SDK2: variants seen among roughly 807,000 people sequenced by gnomAD.
The protein encoded by SDK2 is sidekick cell adhesion molecule 2.
In SDK2, 105 loss-of-function variants were observed where a neutral mutation model predicts 253.9. The observed-to-expected ratio is 0.41, with a 90% CI of 0.35 to 0.49. The LOEUF is 0.49. Among genes scored for constraint, SDK2 ranks in the 20% least tolerant of loss-of-function variants. The pLI is 0.06. For missense variants in SDK2, 2,608 were observed against 3,003.0 expected, an observed-to-expected ratio of 0.87 and a Z score of 3.07; for synonymous variants, 1,249 against 1,234.9, an observed-to-expected ratio of 1.01 and a Z score of -0.24.
At position 73,515,876 on chromosome 17, in the gene SDK2, G is replaced by T. The variant is rs1009596580; in HGVS notation, c.65-8279C>A. Among the ~76,000 whole-genome samples, 3 of 152,208 alleles carry T rather than the reference G, an allele frequency of 2.0e-5. No individual in the cohort carries two copies. In the East Asian group the frequency reaches 5.8e-4, roughly 29 times the overall value. On this transcript the variant is annotated intron_variant, in intron 1 of 44. Coordinates refer to ENST00000392650, the MANE Select transcript of SDK2 (RefSeq NM_001144952.2). ...ATCAGTGAAACAGATGGAAACTCCTGCCCCAGAGCCTGCAGGAGGATCAAA... is the reference window on the plus strand; with the variant it reads ...ATCAGTGAAACAGATGGAAACTCCTTCCCCAGAGCCTGCAGGAGGATCAAA...
At chr17:73,623,790 T>G (rs2046165146) in intron 1 of SDK2, among the ~76,000 whole-genome samples, 1 of 152,204 alleles carries the variant, frequency 6.6e-6, no homozygotes, top group South Asian at 2.1e-4. Flanking sequence ...GTTTCCCGGA[T>G]GTGAAACAGA....
At chr17:73,405,467 CATAT>C (rs1166184210) in intron 18 of SDK2, among the ~76,000 whole-genome samples, 19 of 6,034 alleles carry the variant, frequency 3.1e-3, no homozygotes, top group African/African-American at 0.014. Context: ...AACAAAAAAC[CATAT>C]ATATATATAT....
intron 44 of SDK2, among the ~76,000 whole-genome samples, chr17:73,344,385 G>A (rs751583812): frequency 4.6e-5 from 7 of 152,182 alleles, no homozygotes; most frequent in Admixed American, 1.3e-4. Context: ...GGCAGTGAAG[G>A]CCTCTTTCCT....
rs2045362183 is a variant in SDK2 at position 73,570,024 on chromosome 17, G to A, written c.65-62427C>T. On this transcript the variant is annotated intron_variant, in intron 1 of 44. Coordinates refer to ENST00000392650, the MANE Select transcript of SDK2 (RefSeq NM_001144952.2). This position sits in a 1 kb window ranked among gnomAD's most constrained non-coding sequence, Gnocchi z 4.2. ...TACTCTGGGTGAAGGATGAGGAGCA[G>A]GACCTCAGCGCTCTAACTCTTTCAG... Among the ~76,000 whole-genome samples the A allele has an allele frequency of 6.6e-6, 1 of 152,142 alleles. No homozygotes were observed. The highest frequency in any genetic ancestry group is 1.5e-5 in the Non-Finnish European group (1 of 68,018).
chr17:73,483,615 G>GTA (rs1322116082), intron 2 of SDK2, among the ~76,000 whole-genome samples: 3 of 123,480 alleles, frequency 2.4e-5, no homozygotes, highest in Non-Finnish European at 4.9e-5. Flanking sequence ...GTATATATAT[G>GTA]TATATATATG....
Position 73,415,844 on chromosome 17 carries a change from T to C in SDK2, c.2335A>G (p.Ser779Gly), listed in dbSNP as rs1217060915. ...AGCGTCCACTCGGTGACTTTACTGC[T>C]GTAGACCCCCAGCCCAGCGCTGTTG... Reference protein sequence around the residue: ...AYNSAGLGVYSSKVTEWTLQG... With the variant: ...AYNSAGLGVYGSKVTEWTLQG... Residue 779 changes from serine to glycine, a missense_variant, in exon 17 of 45, where the codon AGC (serine) becomes GGC (glycine). This residue lies in a region of SDK2 where 1,505 missense variants were observed against 1,859.1 expected (regional missense o/e 0.81). Coordinates refer to ENST00000392650, the MANE Select transcript of SDK2 (RefSeq NM_001144952.2). 3.9e-6 allele frequency: 6 copies of C among 1,557,918 alleles called. No individual in the cohort carries two copies. Among genetic ancestry groups the C allele is most frequent in the South Asian group, 3.6e-5 (3 of 84,386 alleles).
intron 2 of SDK2, among the ~76,000 whole-genome samples, chr17:73,503,118 A>G (rs1444496848): frequency 6.6e-6 from 1 of 152,212 alleles, no homozygotes; most frequent in Non-Finnish European, 1.5e-5. Flanking sequence ...GTAGGAAAGA[A>G]ACAATAAGGA....
At chr17:73,396,666 T>C (rs2062973442) in intron 24 of SDK2, among the ~76,000 whole-genome samples, 1 of 152,246 alleles carries the variant, frequency 6.6e-6, no homozygotes, top group Non-Finnish European at 1.5e-5. Flanking sequence ...AGCGTGGGCC[T>C]GAGAAGTGTC....
Position 73,379,541 on chromosome 17 carries a change from T to C in SDK2, c.4771A>G (p.Lys1591Glu). The change falls in exon 35 of 45, where the codon AAG becomes GAG. Residue 1591 changes from lysine (K) to glutamate (E), a missense_variant. Physicochemically the swap from Lys to Glu is moderately conservative, Grantham distance 56 (BLOSUM62 1). This residue lies in a region of SDK2 where 1,103 missense variants were observed against 1,143.9 expected (regional missense o/e 0.96). Coordinates refer to ENST00000392650, the MANE Select transcript of SDK2 (RefSeq NM_001144952.2). This position sits in a 1 kb window ranked among gnomAD's most constrained non-coding sequence, Gnocchi z 4.5. ...ATCCGTATCTCGTACCGCCTGTGCT[T>C]GTTCAGGTCTGTGGGGGAGAGTGGG... ...LTQYELDNLN[K>E]HRRYEIRMSV... 1 of 1,609,050 alleles carries C rather than the reference T, an allele frequency of 6.2e-7. No individual in the cohort carries two copies. The highest frequency in any genetic ancestry group is 1.7e-5 in the Admixed American group (1 of 59,612).
intron 40 of SDK2, among the ~76,000 whole-genome samples, chr17:73,353,830 G>A (rs1247015828): frequency 6.7e-6 from 1 of 149,414 alleles, no homozygotes; most frequent in African/African-American, 2.5e-5. Context: ...CAGCCTCCCG[G>A]ATAGCTGGGA....
intron 1 of SDK2, among the ~76,000 whole-genome samples, chr17:73,626,143 C>T (rs2046197782): frequency 6.6e-6 from 1 of 152,222 alleles, no homozygotes; most frequent in Non-Finnish European, 1.5e-5. Context: ...GGCTGGAAAA[C>T]AAAAGAAAAC....
intron 1 of SDK2, among the ~76,000 whole-genome samples, chr17:73,562,792 T>C (rs2045256767): frequency 1.3e-5 from 2 of 152,246 alleles, no homozygotes; most frequent in Non-Finnish European, 2.9e-5. Flanking sequence ...CTGCTGGAAA[T>C]GCCACGTCTG....
chr17:73,619,175 A>AG (rs1055387355), intron 1 of SDK2, among the ~76,000 whole-genome samples: 2 of 151,942 alleles, frequency 1.3e-5, no homozygotes, highest in African/African-American at 4.8e-5. Flanking sequence ...TCAAAAAAAA[A>AG]AAAAAAAAGC....
In SDK2 at chr17:73,437,838, C is replaced by G; in HGVS notation, c.917-16G>C. 1 of 1,613,430 alleles carries G rather than the reference C, an allele frequency of 6.2e-7. No homozygotes were observed. The highest frequency in any genetic ancestry group is 8.5e-7 in the Non-Finnish European group (1 of 1,179,414). On this transcript the variant is annotated splice_polypyrimidine_tract_variant and intron_variant, in intron 7 of 44. Coordinates refer to ENST00000392650, the MANE Select transcript of SDK2 (RefSeq NM_001144952.2). ...TGAGGCGGTTCTGCAGGAGGAAGGA[C>G]CAGGGGAGGGGGTCAGAGCCATGCT... is the stretch of plus-strand genomic sequence containing the variant.
chr17:73,335,220 G>GA lies in SDK2; in HGVS notation c.*3366dup, dbSNP rs2062368934. On this transcript the variant is annotated 3_prime_UTR_variant, in exon 45 of 45. Transcript: ENST00000392650. ...GGTTTGTCTTGGCAGTGTGGGTGTG[G>GA]AGCTGACGTCAACTCTGGAGGCGCA... 1.3e-5 allele frequency: 2 copies of GA among 152,656 alleles called. No homozygotes were observed. The highest frequency in any genetic ancestry group is 4.8e-5 in the African/African-American group (2 of 41,464). 9.5% of individuals were successfully genotyped at this position (152,656 alleles called of 1,614,324 possible). A position where few individuals can be genotyped will look rare whatever the true frequency, so the allele number is the denominator to read the frequency against.
chr17:73,466,901 T>C (rs2063604067), intron 3 of SDK2, among the ~76,000 whole-genome samples: 1 of 151,864 alleles, frequency 6.6e-6, no homozygotes, highest in Admixed American at 6.6e-5. Flanking sequence ...GGAAGGGAGG[T>C]GCTCAAAGTC....
chr17:73,559,172 G>T (rs1424064161), intron 1 of SDK2, among the ~76,000 whole-genome samples: 1 of 152,168 alleles, frequency 6.6e-6, no homozygotes, highest in Non-Finnish European at 1.5e-5. Context: ...GATCCTGAAA[G>T]TATTTGTTCC....
intron 17 of SDK2, 84 bp from the exon 18 acceptor site, chr17:73,414,843 G>C (rs2063167467): frequency 2.4e-6 from 2 of 825,308 alleles, no homozygotes; most frequent in East Asian, 2.6e-5. Flanking sequence ...ACGCAGGGGT[G>C]GGGGCTATAG....
chr17:73,624,099 A>T (rs1294377109), intron 1 of SDK2, among the ~76,000 whole-genome samples: 1 of 152,200 alleles, frequency 6.6e-6, no homozygotes, highest in African/African-American at 2.4e-5. Flanking sequence ...AGGGAGGAGG[A>T]CTTCCCTCTG....
Sources: allele counts gnomAD v4.1 joint callset (sites outside exome capture counted in the v4.1 genomes callset), GRCh38; gene constraint gnomAD v4.1.1; regional missense constraint gnomAD v4.1.1; non-coding constraint Gnocchi (gnomAD v3.1); transcripts MANE v1.5; gene names NCBI Gene and HGNC (gene_info 2026-07-23, HGNC 2026-07-21).